Variants in CYP3A7 observed in about 807,000 individuals in gnomAD.
CYP3A7 encodes cytochrome P450 3A7.
A neutral mutation model predicts 55.2 loss-of-function variants in CYP3A7; 45 were observed. That is an observed-to-expected ratio of 0.82 (90% CI 0.64 to 1.05). The LOEUF (loss-of-function observed/expected upper bound fraction) is 1.05, where lower values mean the gene tolerates loss of function less well. Ranked by LOEUF, CYP3A7 falls within the 50% of genes least tolerant of loss-of-function variation. The pLI, the probability that CYP3A7 is intolerant of heterozygous loss-of-function variation, is 0.00. For synonymous variants in CYP3A7, 180 were observed against 207.4 expected (o/e 0.87, Z 1.13); for missense variants, 548 against 605.3 (o/e 0.91, Z 0.99).
At position 99,710,874 on chromosome 7, in the gene CYP3A7, A is replaced by G; in HGVS notation, c.884T>C (p.Leu295Pro). 6.2e-7 allele frequency: 1 copy of G among 1,613,788 alleles called. No individual in the cohort carries two copies. The highest frequency in any genetic ancestry group is 1.1e-5 in the South Asian group (1 of 91,072). ...AATAAAGATAATTGATTGGGCCATG[A>G]GCTCCAGATCAGACAGAGCTGAAAG... ...ETHKALSDLELMAQSIIFIFA... is the reference protein window; with the variant it reads ...ETHKALSDLEPMAQSIIFIFA... The change falls in exon 10 of 13, where the codon CTC becomes CCC. Residue 295 changes from leucine (L) to proline (P), a missense_variant. Transcript: ENST00000336374.
At chr7:99,713,771 T>C (rs1301523900) in intron 8 of CYP3A7, among the ~76,000 whole-genome samples, 2 of 152,214 alleles carry the variant, frequency 1.3e-5, no homozygotes, top group South Asian at 4.1e-4. Context: ...GTCTTTTCCC[T>C]GGTCCTAACT....
chr7:99,716,631 C>T (rs1453911010), intron 6 of CYP3A7, among the ~76,000 whole-genome samples: 12 of 152,156 alleles, frequency 7.9e-5, no homozygotes, highest in Non-Finnish European at 1.0e-4. Flanking sequence ...TAAGTGTAGA[C>T]AGCAAATAAT....
In CYP3A7 at chr7:99,710,635, A is replaced by G. The variant is rs1443162824; in HGVS notation, c.1026+97T>C. 2.5e-6 allele frequency: 4 copies of G among 1,593,098 alleles called. No homozygotes were observed. In the African/African-American group the frequency reaches 5.4e-5, roughly 21 times the overall value. ...ACATATTGTGAATGAAACAATCATG[A>G]TTATGCTTTTTATAAAAATTCTCCT... On this transcript the variant is annotated intron_variant, in intron 10 of 12. Coordinates refer to ENST00000336374, the MANE Select transcript of CYP3A7 (RefSeq NM_000765.5).
intron 1 of CYP3A7, among the ~76,000 whole-genome samples, chr7:99,734,399 T>C (rs1488014817): frequency 6.6e-6 from 1 of 152,100 alleles, no homozygotes; most frequent in Non-Finnish European, 1.5e-5. Flanking sequence ...AAGGGAAAAA[T>C]GTAAAATCCA....
At chr7:99,714,766 A>G (rs768883426) in intron 7 of CYP3A7, 84 bp from the exon 8 acceptor site, 24 of 1,571,044 alleles carry the variant, frequency 1.5e-5, no homozygotes, top group Non-Finnish European at 2.0e-5. Context: ...TTCTCTACCA[A>G]TCAGAAGAGT....
chr7:99,712,424 T>C (rs767272053), intron 9 of CYP3A7, among the ~76,000 whole-genome samples: 3 of 152,236 alleles, frequency 2.0e-5, no homozygotes, highest in Admixed American at 6.5e-5. Flanking sequence ...CATGTGGCTA[T>C]TTAAAATCAA....
At chr7:99,717,298 A>G in intron 5 of CYP3A7, 33 bp from the exon 6 acceptor site, 6 of 1,613,820 alleles carry the variant, frequency 3.7e-6, no homozygotes, top group Non-Finnish European at 5.1e-6. Context: ...CCCATAGTTA[A>G]ATGTGCAGAC....
At chr7:99,720,721 C>T in intron 3 of CYP3A7, 2 of 304,574 alleles carry the variant, frequency 6.6e-6, no homozygotes, top group Non-Finnish European at 6.3e-6. Context: ...GTGGTGCATA[C>T]ATGGGTATTT....
chr7:99,714,231 C>T (rs1813853115), intron 8 of CYP3A7, among the ~76,000 whole-genome samples: 1 of 152,174 alleles, frequency 6.6e-6, no homozygotes, highest in Non-Finnish European at 1.5e-5. Context: ...AAATGTATTT[C>T]CAAACAGTAA....
intron 2 of CYP3A7, among the ~76,000 whole-genome samples, chr7:99,729,734 C>T (rs1273910321): frequency 6.6e-6 from 1 of 152,090 alleles, no homozygotes; most frequent in African/African-American, 2.4e-5. Flanking sequence ...CACCTTGTGG[C>T]CCCCTCCACT....
chr7:99,720,468 G>T, intron 3 of CYP3A7, 56 bp from the exon 4 acceptor site: 1 of 1,599,972 alleles, frequency 6.3e-7, no homozygotes, highest in Non-Finnish European at 8.6e-7. Flanking sequence ...TACAGCTGGA[G>T]CCAAACCCAG....
At chr7:99,713,426 C>T (rs1813827852) in intron 9 of CYP3A7, 43 bp downstream of exon 9, 1 of 1,612,476 alleles carries the variant, frequency 6.2e-7, no homozygotes, top group Non-Finnish European at 8.5e-7. Context: ...AACCTTCCCT[C>T]TGAGTGCCCC....
Position 99,735,113 on chromosome 7 carries a change from C to G in CYP3A7, c.-20G>C. The G allele has an allele frequency of 6.2e-7, 1 of 1,613,800 alleles. No individual in the cohort carries two copies. The highest frequency in any genetic ancestry group is 8.5e-7 in the Non-Finnish European group (1 of 1,179,806). ...ATCCATCACTACTTTCCTTCCTTATCTCTCTCCTCTGAGTCTTTTTTTCAG... is the reference window on the plus strand; with the variant it reads ...ATCCATCACTACTTTCCTTCCTTATGTCTCTCCTCTGAGTCTTTTTTTCAG... On this transcript the variant is annotated 5_prime_UTR_variant, in exon 1 of 13. Coordinates refer to ENST00000336374, the MANE Select transcript of CYP3A7 (RefSeq NM_000765.5).
intron 8 of CYP3A7, 145 bp from the exon 9 acceptor site, chr7:99,713,680 A>G: frequency 9.3e-7 from 1 of 1,077,670 alleles, no homozygotes. Flanking sequence ...GTCACCAGTG[A>G]AAAGGAATAT....
chr7:99,706,309 T>C (rs1584503095), intron 12 of CYP3A7, among the ~76,000 whole-genome samples: 1 of 152,292 alleles, frequency 6.6e-6, no homozygotes, highest in East Asian at 1.9e-4. Flanking sequence ...GATCCAGAAG[T>C]GCCAGCTTGG....
intron 10 of CYP3A7, among the ~76,000 whole-genome samples, chr7:99,709,774 A>ATGTG (rs139790428): frequency 0.74 from 111,445 of 150,168 alleles, 44,115 homozygotes; most frequent in Non-Finnish European, 0.89. Context: ...TATTATATAT[A>ATGTG]TGTGTGTGTG....
Position 99,709,257 on chromosome 7 carries a change from G to A in CYP3A7, c.1031C>T (p.Pro344Leu), listed in dbSNP as rs1354084583. ...EIDTVLPNKA[P>L]PTYDTVLQLE... is the part of the protein sequence containing the mutation. Reference sequence around the variant, plus strand: ...CTGTAGCACAGTATCATAGGTGGGTGGTGCCTGAAAAGAAAGAAACAGATT... The same window carrying A: ...CTGTAGCACAGTATCATAGGTGGGTAGTGCCTGAAAAGAAAGAAACAGATT... Residue 344 changes from proline to leucine, a missense_variant, in exon 11 of 13, where the codon CCA (proline) becomes CTA (leucine). Physicochemically the swap from Pro to Leu is moderately conservative, Grantham distance 98 (BLOSUM62 -3). Coordinates refer to ENST00000336374, the MANE Select transcript of CYP3A7 (RefSeq NM_000765.5). 2 of 1,613,636 alleles carry A rather than the reference G, an allele frequency of 1.2e-6. No individual in the cohort carries two copies. Among genetic ancestry groups the A allele is most frequent in the South Asian group, 2.2e-5 (2 of 91,064 alleles).
At position 99,705,346 on chromosome 7, in the gene CYP3A7, G is replaced by C. The variant is rs1234064070; in HGVS notation, c.*154C>G. 2.4e-6 allele frequency: 2 copies of C among 824,384 alleles called. No individual in the cohort carries two copies. The highest frequency in any genetic ancestry group is 3.4e-5 in the African/African-American group (2 of 58,772). 51.1% of individuals were successfully genotyped at this position (824,384 alleles called of 1,614,324 possible). ...ATAACACTCTATACAGACCATGAGA[G>C]AGCACAATGCACGTACAGAATCCCT... On this transcript the variant is annotated 3_prime_UTR_variant, in exon 13 of 13. Coordinates refer to ENST00000336374, the MANE Select transcript of CYP3A7 (RefSeq NM_000765.5).
chr7:99,707,963 T>C lies in CYP3A7; in HGVS notation c.1265A>G (p.Lys422Arg), dbSNP rs1311406783. The C allele has an allele frequency of 1.3e-5, 21 of 1,613,784 alleles. No homozygotes were observed. In the Admixed American group the frequency reaches 3.3e-4, roughly 26 times the overall value. Residue 422 changes from lysine to arginine, a missense_variant, in exon 12 of 13, where the codon AAG (lysine) becomes AGG (arginine). Physicochemically the swap from Lys to Arg is conservative, Grantham distance 26. Transcript: ENST00000336374. The part of the protein sequence containing the change: ...EKFLPERFSK[K>R]NKDNIDPYIY... Reference sequence around the variant, plus strand: ...GTAAGGATCTATGTTGTCCTTGTTCTTTTTACTGAACCTGGTTCCATATTG... The same window carrying C: ...GTAAGGATCTATGTTGTCCTTGTTCCTTTTACTGAACCTGGTTCCATATTG...
Sources: allele counts gnomAD v4.1 joint callset (sites outside exome capture counted in the v4.1 genomes callset), GRCh38; gene constraint gnomAD v4.1.1; transcripts MANE v1.5; gene names NCBI Gene and HGNC (gene_info 2026-07-23, HGNC 2026-07-21).